VWDE: variants seen among roughly 807,000 people sequenced by gnomAD.
The protein encoded by VWDE is von Willebrand factor D and EGF domains, also known as von Willebrand factor D and EGF domain-containing protein.
Under a neutral mutation model 178.4 loss-of-function variants are expected in VWDE, and 207 were observed. The observed-to-expected ratio is 1.16, with a 90% CI of 1.04 to 1.30. The LOEUF is 1.30. VWDE is among the 50% of genes most tolerant of loss of function. The pLI is 0.00. For missense variants in VWDE, 2,287 were observed against 1,901.3 expected (o/e 1.20, Z -3.77); for synonymous variants, 738 against 651.4 (o/e 1.13, Z -2.02).
chr7:12,333,435 T>G, intron 28 of VWDE, 30 bp downstream of exon 28: 3 of 1,348,524 alleles, frequency 2.2e-6, no homozygotes, highest in Non-Finnish European at 3.1e-6. Flanking sequence ...CAATGTCTAA[T>G]ATTTATTTTC....
intron 27 of VWDE, among the ~76,000 whole-genome samples, chr7:12,334,071 T>G (rs1223343678): frequency 6.6e-6 from 1 of 152,162 alleles, no homozygotes; most frequent in Non-Finnish European, 1.5e-5. Flanking sequence ...CATACATTTC[T>G]TACTTGAAAT....
Position 12,373,291 on chromosome 7 carries a change from T to A in VWDE, c.1317-44A>T, listed in dbSNP as rs573072984. ...AATTGCATTAAAAAATCGTGTAAAA[T>A]ATCACAATAGTATGTTATTGATTTG... On this transcript the variant is annotated intron_variant, in intron 9 of 28. Transcript: ENST00000275358. 34 of 1,527,962 alleles carry A rather than the reference T, an allele frequency of 2.2e-5. No individual in the cohort carries two copies. The East Asian group carries it at 8.3e-4, about 37-fold the overall frequency. The allele number at this position is 1,527,962 out of a possible 1,614,324, so 94.7% of individuals were successfully genotyped here.
intron 3 of VWDE, among the ~76,000 whole-genome samples, chr7:12,384,978 C>G (rs989450367): frequency 1.3e-5 from 2 of 152,226 alleles, no homozygotes; most frequent in African/African-American, 4.8e-5. Flanking sequence ...GTATAAGGAC[C>G]TAACTAGCTT....
At chr7:12,372,797 G>C (rs1783277871) in intron 10 of VWDE, among the ~76,000 whole-genome samples, 180 bp downstream of exon 10, 1 of 152,202 alleles carries the variant, frequency 6.6e-6, no homozygotes. Context: ...TGGTTTTAAT[G>C]ATGTTGTGTC....
intron 18 of VWDE, 29 bp downstream of exon 18, chr7:12,356,082 C>G: frequency 1.3e-6 from 2 of 1,534,694 alleles, no homozygotes; most frequent in East Asian, 2.5e-5. Context: ...GCTTTTCTTT[C>G]TAATTTGTTA....
chr7:12,403,601 C>T, intron 1 of VWDE, 58 bp downstream of exon 1: 1 of 1,506,094 alleles, frequency 6.6e-7, no homozygotes, highest in Non-Finnish European at 8.9e-7. Flanking sequence ...AGCCTAGTCC[C>T]TCTACCGCCC....
intron 27 of VWDE, 93 bp from the exon 28 acceptor site, chr7:12,333,661 GACACCAATGC>G: frequency 1.3e-6 from 1 of 777,164 alleles, no homozygotes; most frequent in African/African-American, 1.7e-5. Flanking sequence ...CTGGTGATTG[GACACCAATGC>G]AGTCATAAGA....
chr7:12,360,899 AATAATTT>A (rs1216279008), intron 15 of VWDE, among the ~76,000 whole-genome samples: 1 of 152,194 alleles, frequency 6.6e-6, no homozygotes, highest in South Asian at 2.1e-4. Context: ...TGAAGTAGTA[AATAATTT>A]AGTCTGGACT....
At chr7:12,349,259 A>AAATG in intron 19 of VWDE, among the ~76,000 whole-genome samples, 1 of 150,314 alleles carries the variant, frequency 6.7e-6, no homozygotes, top group Non-Finnish European at 1.5e-5. Context: ...ATAAATAAAT[A>AAATG]AAATATATGA....
chr7:12,344,438 C>T lies in VWDE; in HGVS notation c.3918G>A (p.Arg1306=). The T allele has an allele frequency of 6.5e-7, 1 of 1,550,384 alleles. No individual in the cohort carries two copies. Residue 1306 remains arginine, a synonymous_variant, in exon 20 of 29, where the codon AGG becomes AGA. Coordinates refer to ENST00000275358, the MANE Select transcript of VWDE (RefSeq NM_001135924.3). ...TGCAGATGTTTGGGGCAACACACTC[C>T]CTACTTTTTCCACATGGATATTTAC... ...TICKYPCGKS[R]ECVAPNICKC...
chr7:12,352,704 G>C (rs1050844698), intron 18 of VWDE, among the ~76,000 whole-genome samples: 4 of 152,158 alleles, frequency 2.6e-5, no homozygotes, highest in African/African-American at 9.7e-5. Context: ...GCTCATATCT[G>C]TGGGGCTGGG....
intron 3 of VWDE, among the ~76,000 whole-genome samples, chr7:12,385,362 G>A (rs926439550): frequency 6.6e-6 from 1 of 152,150 alleles, no homozygotes; most frequent in Admixed American, 6.6e-5. Flanking sequence ...GACTGCCTTC[G>A]AAGATAGAGA....
At chr7:12,402,183 G>A (rs1784930261) in intron 1 of VWDE, among the ~76,000 whole-genome samples, 1 of 152,210 alleles carries the variant, frequency 6.6e-6, no homozygotes, top group African/African-American at 2.4e-5. Flanking sequence ...ATAGCCCAGG[G>A]TATAGTATTT....
Position 12,393,730 on chromosome 7 carries a change from C to A in VWDE, c.107G>T (p.Arg36Ile), listed in dbSNP as rs932861547. ...GGHQFLRSPYRSVRFDSWHLQ... is the reference protein window; with the variant it reads ...GGHQFLRSPYISVRFDSWHLQ... ...GTGCCATGAGTCAAAACGGACACTT[C>A]TATAAGGACTCCGAAGAAACTGGTG... The change falls in exon 2 of 29, where the codon AGA becomes ATA. Residue 36 changes from arginine (R) to isoleucine (I), a missense_variant. Physicochemically the swap from Arg to Ile is moderately conservative, Grantham distance 97. Coordinates refer to ENST00000275358, the MANE Select transcript of VWDE (RefSeq NM_001135924.3). The A allele has an allele frequency of 2.6e-6, 4 of 1,551,068 alleles. No individual in the cohort carries two copies. The Admixed American group carries it at 7.8e-5, about 30-fold the overall frequency.
rs1783068757 is a variant in VWDE at position 12,369,825 on chromosome 7, A to G, written c.2481T>C (p.Leu827=). Residue 827 remains leucine, a synonymous_variant, in exon 12 of 29, where the codon CTT becomes CTC. Coordinates refer to ENST00000275358, the MANE Select transcript of VWDE (RefSeq NM_001135924.3). Reference sequence around the variant, plus strand: ...CTATAACACTGTCTAATCTCTTGCCAAGAAAAGCAAGACACAGCCTTCCTA... The same window carrying G: ...CTATAACACTGTCTAATCTCTTGCCGAGAAAAGCAAGACACAGCCTTCCTA... ...SSIGRLCLAF[L]GKRLDSVIEM... The G allele has an allele frequency of 6.4e-7, 1 of 1,551,526 alleles. No individual in the cohort carries two copies. Among genetic ancestry groups the G allele is most frequent in the Non-Finnish European group, 8.7e-7 (1 of 1,146,892 alleles).
intron 9 of VWDE, among the ~76,000 whole-genome samples, chr7:12,374,382 T>C (rs1421282452): frequency 6.6e-6 from 1 of 152,030 alleles, no homozygotes; most frequent in Admixed American, 6.6e-5. Context: ...TAAACATCTT[T>C]AGAGTAAATA....
chr7:12,335,444 AT>A (rs954603125), intron 27 of VWDE, among the ~76,000 whole-genome samples: 74 of 149,230 alleles, frequency 5.0e-4, no homozygotes, highest in African/African-American at 9.8e-4. Flanking sequence ...TAGAGTGACT[AT>A]TTTTTTTTTC....
In VWDE at chr7:12,342,290, A is replaced by T. The variant is rs1267455561; in HGVS notation, c.4175-136T>A. On this transcript the variant is annotated intron_variant, in intron 22 of 28. Transcript: ENST00000275358. ...TGCAGAGAAAGATAAAATACAATTT[A>T]TATTCGGGTTTCAAATGCTTTCTGA... 3 of 577,588 alleles carry T rather than the reference A, an allele frequency of 5.2e-6. No homozygotes were observed. In the African/African-American group the frequency reaches 5.6e-5, roughly 11 times the overall value. 35.8% of individuals were successfully genotyped at this position (577,588 alleles called of 1,614,324 possible).
At chr7:12,343,604 T>C (rs1424747468) in intron 21 of VWDE, among the ~76,000 whole-genome samples, 1 of 152,192 alleles carries the variant, frequency 6.6e-6, no homozygotes, top group African/African-American at 2.4e-5. Flanking sequence ...TTAACATGGC[T>C]CTCAGCTTAT....
Sources: gnomAD v4.1 joint callset for allele counts (sites outside exome capture counted in the v4.1 genomes callset) on GRCh38, gnomAD v4.1.1 for gene constraint, MANE v1.5 for transcripts, NCBI Gene and HGNC (gene_info 2026-07-23, HGNC 2026-07-21) for gene names.